Variants in MPRIP observed in about 807,000 individuals in gnomAD.
MPRIP encodes myosin phosphatase Rho interacting protein.
MPRIP carries 59 observed loss-of-function variants against 234.9 expected under a neutral mutation model. That is an observed-to-expected ratio of 0.25 (90% CI 0.20 to 0.31). The LOEUF (loss-of-function observed/expected upper bound fraction) is 0.31, where lower values mean the gene tolerates loss of function less well. MPRIP is among the 10% of genes least tolerant of loss of function. The pLI, the probability that MPRIP is intolerant of heterozygous loss-of-function variation, is 1.00. For synonymous variants in MPRIP, 1,144 were observed against 1,263.9 expected (o/e 0.91, Z 2.01); for missense variants, 2,436 against 3,071.0 (o/e 0.79, Z 4.89).
intron 23 of MPRIP, 66 bp from the exon 24 acceptor site, chr17:17,184,757 G>T (rs1364947965): frequency 1.5e-6 from 2 of 1,306,380 alleles, no homozygotes; most frequent in Non-Finnish European, 1.1e-6. Flanking sequence ...GGTCTGGTCC[G>T]GTCCGGTCCA....
chr17:17,151,694 C>T (rs544744402), intron 12 of MPRIP, among the ~76,000 whole-genome samples: 5 of 152,334 alleles, frequency 3.3e-5, no homozygotes, highest in East Asian at 3.9e-4. Context: ...CAGGGTACCA[C>T]CATGAGTAAC....
At chr17:17,057,860 T>C in intron 1 of MPRIP, 1 of 594,982 alleles carries the variant, frequency 1.7e-6, no homozygotes, top group Non-Finnish European at 3.0e-6. Flanking sequence ...TAATATTTTT[T>C]AATAGAATGC....
chr17:17,173,643 G>C, intron 18 of MPRIP: 2 of 579,712 alleles, frequency 3.4e-6, no homozygotes, highest in Middle Eastern at 4.6e-4. Context: ...TAGAAATGGG[G>C]GTTCTGTGTG....
chr17:17,137,802 GGGA>G, intron 6 of MPRIP, 111 bp from the exon 7 acceptor site: 1 of 817,866 alleles, frequency 1.2e-6, no homozygotes, highest in Non-Finnish European at 1.8e-6. Context: ...TGTTAGAGAC[GGGA>G]GGTGGAGAAG....
In MPRIP at chr17:17,173,949, G is replaced by A. The variant is rs1425999265; in HGVS notation, c.6624G>A (p.Glu2208=). Residue 2208 remains glutamate, a synonymous_variant, in exon 19 of 24, where the codon GAG becomes GAA. Coordinates refer to ENST00000651222, the MANE Select transcript of MPRIP (RefSeq NM_001364716.4). ...TGCAGTCGGTGCAGCGGGAACTGGA[G>A]GTCCTCTCGGAGCAGTACTCGCAGA... The part of the protein sequence containing the change: ...EELQSVQREL[E]VLSEQYSQKC... The A allele has an allele frequency of 6.2e-7, 1 of 1,613,640 alleles. No individual in the cohort carries two copies. The highest frequency in any genetic ancestry group is 1.1e-5 in the South Asian group (1 of 91,084).
chr17:17,046,186 G>A (rs369322221), intron 1 of MPRIP, among the ~76,000 whole-genome samples: 1 of 152,192 alleles, frequency 6.6e-6, no homozygotes, highest in South Asian at 2.1e-4. Context: ...CTGCTTATCA[G>A]CATATCTTTA....
intron 5 of MPRIP, among the ~76,000 whole-genome samples, chr17:17,134,427 G>A (rs1268893176): frequency 2.0e-5 from 3 of 152,152 alleles, no homozygotes; most frequent in Non-Finnish European, 2.9e-5. Flanking sequence ...GTCCTGGGGC[G>A]GCATCCCCTT....
intron 1 of MPRIP, among the ~76,000 whole-genome samples, chr17:17,050,314 CAAA>C (rs66950979): frequency 3.4e-4 from 31 of 92,248 alleles, no homozygotes; most frequent in African/African-American, 9.1e-4. Context: ...GACTCCGTCT[CAAA>C]AAAAAAAAAA....
At chr17:17,081,684 C>G (rs1254167821) in intron 3 of MPRIP, among the ~76,000 whole-genome samples, 1 of 152,218 alleles carries the variant, frequency 6.6e-6, no homozygotes, top group African/African-American at 2.4e-5. Flanking sequence ...GAAGCCCTTT[C>G]TGCTCGGGGA....
rs1428021682 is a variant in MPRIP at position 17,164,865 on chromosome 17, A to C, written c.3274A>C (p.Ser1092Arg). ...LEEQLEAREA[S>R]VRRLAEHVQS... ...GGAGCAGCTGGAGGCACGAGAGGCC[A>C]GCGTGCGCAGGCTCGCAGAGCACGT... The change falls in exon 16 of 24, where the codon AGC becomes CGC. Residue 1092 changes from serine to arginine, a missense_variant. By Grantham distance (110) the Ser-to-Arg change is moderately radical. Coordinates refer to ENST00000651222, the MANE Select transcript of MPRIP (RefSeq NM_001364716.4). 1 of 1,304,048 alleles carries C rather than the reference A, an allele frequency of 7.7e-7. No homozygotes were observed. The highest frequency in any genetic ancestry group is 1.0e-6 in the Non-Finnish European group (1 of 988,886). The allele number at this position is 1,304,048 out of a possible 1,614,324, so 80.8% of individuals were successfully genotyped here.
At position 17,185,573 on chromosome 17, in the gene MPRIP, CTCCT is replaced by C. The variant is rs3833096; in HGVS notation, c.*700_*703del. The C allele has an allele frequency of 4.8e-5, 22 of 454,794 alleles. No individual in the cohort carries two copies. Among genetic ancestry groups the C allele is most frequent in the East Asian group, 2.8e-4 (4 of 14,214 alleles). 28.2% of individuals were successfully genotyped at this position (454,794 alleles called of 1,614,324 possible). On this transcript the variant is annotated 3_prime_UTR_variant, in exon 24 of 24. Coordinates refer to ENST00000651222, the MANE Select transcript of MPRIP (RefSeq NM_001364716.4). ...ATCTTGCACAAAATCCCCGGCCCCTCTCCTTCCTTCCTTCCTTCCTTCCTCCGCT... is the reference window on the plus strand; with the variant it reads ...ATCTTGCACAAAATCCCCGGCCCCTCTCCTTCCTTCCTTCCTTCCTCCGCT...
Position 17,188,699 on chromosome 17 carries a change from T to G in MPRIP, c.*3805T>G, listed in dbSNP as rs905798251. On this transcript the variant is annotated 3_prime_UTR_variant, in exon 24 of 24. Coordinates refer to ENST00000651222, the MANE Select transcript of MPRIP (RefSeq NM_001364716.4). Reference sequence around the variant, plus strand: ...CTTAACTTTTGGGTACATGGAAACATGCTGAAAACTGAACACAATCCTGAT... The same window carrying G: ...CTTAACTTTTGGGTACATGGAAACAGGCTGAAAACTGAACACAATCCTGAT... 2 of 152,260 alleles carry G rather than the reference T, an allele frequency of 1.3e-5. No individual in the cohort carries two copies. Among genetic ancestry groups the G allele is most frequent in the Non-Finnish European group, 2.9e-5 (2 of 68,044 alleles). The allele number at this position is 152,260 out of a possible 1,614,324, so 9.4% of individuals were successfully genotyped here.
At chr17:17,094,060 T>C (rs2089782529) in intron 3 of MPRIP, among the ~76,000 whole-genome samples, 1 of 152,210 alleles carries the variant, frequency 6.6e-6, no homozygotes, top group Admixed American at 6.5e-5. Flanking sequence ...CCTCTCTCTC[T>C]TTCTCTCTCT....
chr17:17,162,017 G>C (rs1486909168), intron 15 of MPRIP, among the ~76,000 whole-genome samples: 1 of 152,262 alleles, frequency 6.6e-6, no homozygotes, highest in Non-Finnish European at 1.5e-5. Flanking sequence ...CCTTGTGCCA[G>C]GTATTGGGCA....
At chr17:17,120,327 A>G (rs974212205) in intron 3 of MPRIP, among the ~76,000 whole-genome samples, 4 of 152,104 alleles carry the variant, frequency 2.6e-5, no homozygotes, top group Admixed American at 2.6e-4. Context: ...TGCTTGGGCC[A>G]GGGGTGTGGT....
chr17:17,069,911 TC>T (rs1292072168), intron 1 of MPRIP, among the ~76,000 whole-genome samples: 2 of 152,216 alleles, frequency 1.3e-5, no homozygotes, highest in African/African-American at 4.8e-5. Context: ...TTAGAAAACT[TC>T]CTTTGGCCAT....
intron 22 of MPRIP, 51 bp downstream of exon 22, chr17:17,177,463 G>T (rs188732302): frequency 6.9e-6 from 11 of 1,584,700 alleles, no homozygotes; most frequent in Non-Finnish European, 9.5e-6. Context: ...GCTTATGGGG[G>T]TTTGGTCGTA....
chr17:17,155,693 ACT>A (rs2045714012), intron 13 of MPRIP, among the ~76,000 whole-genome samples: 1 of 152,218 alleles, frequency 6.6e-6, no homozygotes, highest in South Asian at 2.1e-4. Context: ...TTAAACAAAC[ACT>A]GTCTAGTAAG....
intron 3 of MPRIP, among the ~76,000 whole-genome samples, chr17:17,100,021 G>A (rs988201564): frequency 7.9e-5 from 12 of 152,184 alleles, no homozygotes; most frequent in Non-Finnish European, 1.5e-5. Flanking sequence ...CTTGTGTGGT[G>A]GTCTCCTCCT....
Sources: gnomAD v4.1 joint callset for allele counts (sites outside exome capture counted in the v4.1 genomes callset) on GRCh38, gnomAD v4.1.1 for gene constraint, MANE v1.5 for transcripts, NCBI Gene and HGNC (gene_info 2026-07-23, HGNC 2026-07-21) for gene names.